Variants in RABGAP1 observed in about 807,000 individuals in gnomAD.
RABGAP1 encodes RAB GTPase activating protein 1.
Under a neutral mutation model 137.6 loss-of-function variants are expected in RABGAP1, and 23 were observed. The observed-to-expected ratio is 0.17, with a 90% CI of 0.12 to 0.24. RABGAP1 has a LOEUF of 0.24. Among genes scored for constraint, RABGAP1 ranks in the 10% least tolerant of loss-of-function variants. The pLI is 1.00. For synonymous variants in RABGAP1, 451 were observed against 450.7 expected, an observed-to-expected ratio of 1.00 and a Z score of -0.01; for missense variants, 906 against 1,275.8, an observed-to-expected ratio of 0.71 and a Z score of 4.42.
Position 122,997,247 on chromosome 9 carries a change from C to CT in RABGAP1, c.1102-5dup, listed in dbSNP as rs747839073. The CT allele has an allele frequency of 6.9e-6, 11 of 1,586,762 alleles. No homozygotes were observed. In the East Asian group the frequency reaches 9.0e-5, roughly 13 times the overall value. ...TGTGGCATTCGGGTTTATTTTTACT[C>CT]TTTTTTTCTAGGAATCTATGGGCAA... On this transcript the variant is annotated splice_polypyrimidine_tract_variant and intron_variant, in intron 8 of 25. Coordinates refer to ENST00000373647, the MANE Select transcript of RABGAP1 (RefSeq NM_012197.4).
At chr9:122,943,962 A>AAT (rs1411525816) in intron 1 of RABGAP1, among the ~76,000 whole-genome samples, 4 of 152,138 alleles carry the variant, frequency 2.6e-5, no homozygotes, top group South Asian at 2.1e-4. Context: ...CAAAAAAAAA[A>AAT]GAAGTTTTTG....
chr9:123,076,411 A>G (rs1031067633), intron 18 of RABGAP1, 125 bp downstream of exon 18: 4 of 1,220,062 alleles, frequency 3.3e-6, no homozygotes, highest in East Asian at 4.8e-5. Context: ...GGATGTATGC[A>G]GGTGGCTCTG....
chr9:122,998,475 T>C, intron 9 of RABGAP1, 122 bp from the exon 10 acceptor site: 1 of 793,490 alleles, frequency 1.3e-6, no homozygotes, highest in Non-Finnish European at 2.0e-6. Context: ...CATGTTTAAT[T>C]GATGGTTCAC....
intron 19 of RABGAP1, among the ~76,000 whole-genome samples, chr9:123,083,114 G>T (rs537306851): frequency 2.0e-4 from 30 of 152,270 alleles, no homozygotes; most frequent in African/African-American, 7.0e-4. Context: ...ACTCTCAAAG[G>T]ATATAAAGTT....
chr9:123,000,381 T>G (rs1837255623), intron 10 of RABGAP1, among the ~76,000 whole-genome samples: 1 of 152,204 alleles, frequency 6.6e-6, no homozygotes, highest in African/African-American at 2.4e-5. Context: ...TTCTACCACC[T>G]ACTGCTTCCA....
At chr9:122,995,955 A>G (rs1837002512) in intron 6 of RABGAP1, 86 bp from the exon 7 acceptor site, 3 of 1,478,008 alleles carry the variant, frequency 2.0e-6, no homozygotes, top group Non-Finnish European at 2.7e-6. Flanking sequence ...AAAGAATCAG[A>G]GATTTGAGGT....
chr9:122,998,731 A>G lies in RABGAP1; in HGVS notation c.1339A>G (p.Ser447Gly), dbSNP rs1331209780. The part of the protein sequence containing the change: ...ERLFWPFSKR[S>G]TTENFFLKLK... ...ATTATTCTGGCCCTTCAGCAAACGT[A>G]GTACTACTGAAAATTTCTTTTTGAA... The change falls in exon 10 of 26, where the codon AGT (serine) becomes GGT (glycine). Residue 447 changes from serine to glycine, a missense_variant. Physicochemically the swap from Ser to Gly is moderately conservative, Grantham distance 56 (BLOSUM62 0). Around this residue, in one of 9 missense-constraint regions of RABGAP1, gnomAD observed 212 missense variants for 289.4 expected, o/e 0.73. Coordinates refer to ENST00000373647, the MANE Select transcript of RABGAP1 (RefSeq NM_012197.4). 1.2e-6 allele frequency: 2 copies of G among 1,605,596 alleles called. No homozygotes were observed. Among genetic ancestry groups the G allele is most frequent in the Non-Finnish European group, 8.5e-7 (1 of 1,176,412 alleles).
At chr9:122,975,039 A>T (rs1347166204) in intron 2 of RABGAP1, among the ~76,000 whole-genome samples, 2 of 152,222 alleles carry the variant, frequency 1.3e-5, no homozygotes, top group African/African-American at 4.8e-5. Flanking sequence ...AGTAACATAC[A>T]TACTTCTTAA....
In RABGAP1 at chr9:122,978,335, TTGTG is replaced by T. The variant is rs1171295645; in HGVS notation, c.151-6146_151-6143del. 2.6e-5 allele frequency among the ~76,000 whole-genome samples: 4 copies of T among 152,346 alleles called. No homozygotes were observed. In the East Asian group the frequency reaches 7.7e-4, roughly 29 times the overall value. On this transcript the variant is annotated intron_variant, in intron 2 of 25. Transcript: ENST00000373647. ...ATGCTTTTGAGATTTGTCCATGTTA[TTGTG>T]TGTATTAGTAGTTTATTCCTTTTTA...
intron 2 of RABGAP1, among the ~76,000 whole-genome samples, chr9:122,968,382 C>G (rs1835288214): frequency 6.6e-6 from 1 of 151,358 alleles, no homozygotes; most frequent in Non-Finnish European, 1.5e-5. Flanking sequence ...ACCACTATGC[C>G]CGGCTAATTT....
chr9:123,068,886 A>C (rs1040680885), intron 14 of RABGAP1, among the ~76,000 whole-genome samples: 9 of 152,250 alleles, frequency 5.9e-5, no homozygotes, highest in Admixed American at 3.3e-4. Flanking sequence ...TATATTCTAA[A>C]CATACCCAAT....
rs537677263 is a variant in RABGAP1 at position 123,015,711 on chromosome 9, C to T, written c.1643+75C>T. The T allele has an allele frequency of 1.2e-5, 12 of 1,023,942 alleles. No homozygotes were observed. In the Middle Eastern group the frequency reaches 6.6e-4, roughly 56 times the overall value. The allele number at this position is 1,023,942 out of a possible 1,614,324, so 63.4% of individuals were successfully genotyped here. On this transcript the variant is annotated intron_variant, in intron 12 of 25. Coordinates refer to ENST00000373647, the MANE Select transcript of RABGAP1 (RefSeq NM_012197.4). ...GTAGAGAATCTTACCTAACTATAATCAATTTTGGAACCAGTAGTAGAAACC... is the reference window on the plus strand; with the variant it reads ...GTAGAGAATCTTACCTAACTATAATTAATTTTGGAACCAGTAGTAGAAACC...
chr9:122,978,905 T>C (rs1223998549), intron 2 of RABGAP1, among the ~76,000 whole-genome samples: 2 of 151,804 alleles, frequency 1.3e-5, no homozygotes, highest in Non-Finnish European at 2.9e-5. Context: ...TTTATTTTAC[T>C]TTATTTTATT....
chr9:122,979,541 C>A (rs1159263031), intron 2 of RABGAP1, among the ~76,000 whole-genome samples: 2 of 152,160 alleles, frequency 1.3e-5, no homozygotes, highest in African/African-American at 4.8e-5. Context: ...CTCTATGTCA[C>A]AAGATCAAAA....
At chr9:123,096,374 G>GT (rs2035183804) in intron 21 of RABGAP1, among the ~76,000 whole-genome samples, 2 of 149,126 alleles carry the variant, frequency 1.3e-5, no homozygotes, top group Non-Finnish European at 2.9e-5. Flanking sequence ...CATGAAAACT[G>GT]GACTGGCTAT....
In RABGAP1 at chr9:122,956,649, C is replaced by CAAA. The variant is rs10661742; in HGVS notation, c.-49-346_-49-344dup. On this transcript the variant is annotated intron_variant, in intron 1 of 25. Coordinates refer to ENST00000373647, the MANE Select transcript of RABGAP1 (RefSeq NM_012197.4). ...TGGGCGACAGAGTGAGACTCCGTCT[C>CAAA]AAAAAAAAAAAAAAAAAATTAGAGG... 4.0e-4 allele frequency among the ~76,000 whole-genome samples: 49 copies of CAAA among 121,394 alleles called. 1 individual carries two copies. The highest frequency in any genetic ancestry group is 1.1e-3 in the African/African-American group (33 of 30,594). 79.6% of individuals were successfully genotyped at this position (121,394 alleles called of 152,430 possible). A position where few individuals can be genotyped will look rare whatever the true frequency, so the allele number is the denominator to read the frequency against.
chr9:122,979,139 C>T (rs1429870812), intron 2 of RABGAP1, among the ~76,000 whole-genome samples: 2 of 152,116 alleles, frequency 1.3e-5, no homozygotes, highest in Non-Finnish European at 2.9e-5. Flanking sequence ...GACACACAGT[C>T]CACCTGCCTC....
At chr9:122,992,636 TTAAA>T (rs1836791559) in intron 6 of RABGAP1, among the ~76,000 whole-genome samples, 1 of 149,972 alleles carries the variant, frequency 6.7e-6, no homozygotes, top group Non-Finnish European at 1.5e-5. Context: ...TTATGTTAAC[TTAAA>T]TATATTATTT....
At chr9:123,046,153 A>G (rs1279132056) in intron 13 of RABGAP1, among the ~76,000 whole-genome samples, 2 of 152,198 alleles carry the variant, frequency 1.3e-5, no homozygotes, top group East Asian at 3.8e-4. Context: ...ATTTTGCAGT[A>G]GGGTTAGTCC....
Sources: gnomAD v4.1 joint callset for allele counts (sites outside exome capture counted in the v4.1 genomes callset) on GRCh38, gnomAD v4.1.1 for gene constraint, gnomAD v4.1.1 regional missense constraint, MANE v1.5 for transcripts, NCBI Gene and HGNC (gene_info 2026-07-23, HGNC 2026-07-21) for gene names.